The following TRPM2 variants were observed in gnomAD, a reference collection of about 807,000 sequenced individuals.
TRPM2 encodes the protein transient receptor potential cation channel subfamily M member 2, also known as estrogen-responsive element-associated gene 1 protein.
A neutral mutation model predicts 174.0 loss-of-function variants in TRPM2; 161 were observed. That is an observed-to-expected ratio of 0.93 (90% confidence interval 0.81 to 1.05). The LOEUF (loss-of-function observed/expected upper bound fraction) is 1.05, where lower values mean the gene tolerates loss of function less well. TRPM2 is among the 50% of genes least tolerant of loss of function. The pLI is 0.00. For missense variants in TRPM2, 2,057 were observed against 2,038.0 expected, an observed-to-expected ratio of 1.01 and a Z score of -0.18; for synonymous variants, 954 against 861.3, an observed-to-expected ratio of 1.11 and a Z score of -1.88.
chr21:44,425,189 G>T, intron 24 of TRPM2: 1 of 530,416 alleles, frequency 1.9e-6, no homozygotes, highest in East Asian at 3.1e-5. Flanking sequence ...GGCCTGCTGT[G>T]CCCTGAGCTC....
rs201914109 is a variant in TRPM2, at chr21:44,390,889, C to T, written c.1319-15C>T. 5 of 1,613,956 alleles carry T rather than the reference C, an allele frequency of 3.1e-6. No homozygotes were observed. The highest frequency in any genetic ancestry group is 2.2e-5 in the East Asian group (1 of 44,880). ...GCTCCAGATCGAGGCCCAATATGCA[C>T]CTGTTCATCTGCAGCCTCACGGAGC... On this transcript the variant is annotated splice_polypyrimidine_tract_variant and intron_variant, in intron 9 of 31. Coordinates refer to ENST00000397928, the MANE Select transcript of TRPM2 (RefSeq NM_003307.4).
intron 5 of TRPM2, among the ~76,000 whole-genome samples, chr21:44,370,929 G>C (rs376816113): frequency 2.6e-5 from 4 of 152,132 alleles, no homozygotes; most frequent in African/African-American, 4.8e-5. Context: ...GCTCAGCCAC[G>C]CTCCCTCTCT....
At chr21:44,374,676 A>G (rs2048643119) in intron 5 of TRPM2, among the ~76,000 whole-genome samples, 2 of 152,262 alleles carry the variant, frequency 1.3e-5, no homozygotes, top group Middle Eastern at 3.4e-3. Context: ...TAGTATTCCC[A>G]TGAGAATCTA....
At chr21:44,364,332 C>T (rs776063747) in intron 3 of TRPM2, 50 bp downstream of exon 3, 2 of 1,596,478 alleles carry the variant, frequency 1.3e-6, no homozygotes, top group South Asian at 2.3e-5. Flanking sequence ...CTGCATGGCC[C>T]CACAGTGACA....
chr21:44,430,015 A>T (rs1224089296), intron 27 of TRPM2, among the ~76,000 whole-genome samples: 1 of 152,194 alleles, frequency 6.6e-6, no homozygotes, highest in Non-Finnish European at 1.5e-5. Flanking sequence ...TCTGCCATTG[A>T]TTGAGATAGT....
intron 26 of TRPM2, 69 bp from the exon 27 acceptor site, chr21:44,426,941 C>T (rs898406488): frequency 1.3e-5 from 19 of 1,474,600 alleles, no homozygotes; most frequent in Admixed American, 2.0e-5. Context: ...GGGGGGTGAT[C>T]CCTCTGCCTG....
rs187303583 is a variant in TRPM2, at chr21:44,418,641, C to T, written c.3461+86C>T. 3.9e-4 allele frequency: 593 copies of T among 1,533,512 alleles called. 5 individuals are homozygous for T. In the African/African-American group the frequency reaches 7.3e-3, roughly 19 times the overall value. The allele number at this position is 1,533,512 out of a possible 1,614,324, so 95.0% of individuals were successfully genotyped here. A position where few individuals can be genotyped will look rare whatever the true frequency, so the allele number is the denominator to read the frequency against. On this transcript the variant is annotated intron_variant, in intron 22 of 31. Coordinates refer to ENST00000397928, the MANE Select transcript of TRPM2 (RefSeq NM_003307.4). ...CAGGCACCATGAGTACATGTCCCACCTGGGGAGGCCCAGCAATGCCTCACC... is the reference window on the plus strand; with the variant it reads ...CAGGCACCATGAGTACATGTCCCACTTGGGGAGGCCCAGCAATGCCTCACC...
rs200231987 is a variant in TRPM2 at position 44,397,848 on chromosome 21, G to A, written c.2034G>A (p.Leu678=). The A allele has an allele frequency of 4.2e-5, 68 of 1,607,788 alleles. No homozygotes were observed. Among genetic ancestry groups the A allele is most frequent in the East Asian group, 3.4e-4 (15 of 44,708 alleles). The change falls in exon 13 of 32, where the codon CTG becomes CTA. Residue 678 remains leucine, a synonymous_variant. Transcript: ENST00000397928. ...DTDSSEEMLA[L]AEEYEHRAIG... is the part of the protein sequence containing the mutation. ...ACAGCTCGGAGGAGATGCTGGCGCTGGCGGAGGAGTATGAGCACAGAGCCA... is the reference window on the plus strand; with the variant it reads ...ACAGCTCGGAGGAGATGCTGGCGCTAGCGGAGGAGTATGAGCACAGAGCCA...
Position 44,440,878 on chromosome 21 carries a change from T to TGAC in TRPM2, c.4361_4363dup (p.Asp1454dup), listed in dbSNP as rs2051475630. ...TCAGCGTCCACTTCCAGGACCAGAATGACGTGGAGCTGAACAGGCTGAACT... is the reference window on the plus strand; with the variant it reads ...TCAGCGTCCACTTCCAGGACCAGAATGACGACGTGGAGCTGAACAGGCTGAACT... On this transcript the variant is annotated inframe_insertion, in exon 31 of 32. Transcript: ENST00000397928. The TGAC allele has an allele frequency of 1.2e-6, 2 of 1,613,836 alleles. No homozygotes were observed. Among genetic ancestry groups the TGAC allele is most frequent in the Non-Finnish European group, 1.7e-6 (2 of 1,179,928 alleles).
Position 44,379,010 on chromosome 21 carries a change from CCACCACCAACGG to C in TRPM2, c.1033_1044del (p.Thr345_Thr348del). The C allele has an allele frequency of 6.2e-7, 1 of 1,606,704 alleles. No individual in the cohort carries two copies. Among genetic ancestry groups the C allele is most frequent in the Non-Finnish European group, 8.5e-7 (1 of 1,179,806 alleles). On this transcript the variant is annotated inframe_deletion, in exon 8 of 32. Transcript: ENST00000397928. ...CCTGCCTTGCAGACCATCGACAACGCCACCACCAACGGCACCCCCTGTGTGGTTGTGGAGGGC... is the reference window on the plus strand; with the variant it reads ...CCTGCCTTGCAGACCATCGACAACGCCACCCCCTGTGTGGTTGTGGAGGGC...
chr21:44,352,943 T>C (rs1569002967), upstream of TRPM2, among the ~76,000 whole-genome samples: 1 of 152,000 alleles, frequency 6.6e-6, no homozygotes, highest in Non-Finnish European at 1.5e-5. Context: ...TCGCCTGAGG[T>C]CAGGAGTTTG....
chr21:44,439,621 C>T lies in TRPM2; in HGVS notation c.4269+453C>T, dbSNP rs890885769. Among the ~76,000 whole-genome samples the T allele has an allele frequency of 2.0e-5, 3 of 152,296 alleles. No individual in the cohort carries two copies. The highest frequency in any genetic ancestry group is 4.4e-5 in the Non-Finnish European group (3 of 68,016). ...CCACATGCATGCCCAGCCTGGGGAC[C>T]GACTGTACCAGGACTTTTTATTTAC... On this transcript the variant is annotated intron_variant, in intron 30 of 31. Transcript: ENST00000397928. This position sits in a 1 kb window ranked among gnomAD's most constrained non-coding sequence, Gnocchi z 5.1.
chr21:44,407,140 T>TCCC, intron 19 of TRPM2, among the ~76,000 whole-genome samples: 1 of 91,314 alleles, frequency 1.1e-5, no homozygotes, highest in Non-Finnish European at 2.1e-5. Flanking sequence ...CATTCCTCCC[T>TCCC]TCCTCCCTTC....
Position 44,399,292 on chromosome 21 carries a change from C to T in TRPM2, c.2063-4C>T, listed in dbSNP as rs1203715648. On this transcript the variant is annotated splice_region_variant and splice_polypyrimidine_tract_variant and intron_variant, in intron 13 of 31. Transcript: ENST00000397928. The surrounding 1 kb of genome is among the most constrained non-coding windows in gnomAD (Gnocchi z 4.6). ...TCTGACGGGGCTCTCATATCTCCGC[C>T]CAGGGGTCTTCACCGAGTGCTACCG... 6.2e-7 allele frequency: 1 copy of T among 1,611,786 alleles called. No individual in the cohort carries two copies.
chr21:44,414,545 G>A (rs1278831861), intron 20 of TRPM2: 1 of 159,176 alleles, frequency 6.3e-6, no homozygotes, highest in Non-Finnish European at 1.4e-5. Context: ...CTGAGCAAAA[G>A]GGCTCGCTGC....
chr21:44,424,758 C>A (rs2050687833), intron 23 of TRPM2, 94 bp from the exon 24 acceptor site: 2 of 764,656 alleles, frequency 2.6e-6, no homozygotes, highest in African/African-American at 3.6e-5. Flanking sequence ...GGGTGGGGCT[C>A]CTGGCTGGGG....
chr21:44,440,720 G>A, intron 30 of TRPM2, 69 bp from the exon 31 acceptor site: 1 of 1,346,820 alleles, frequency 7.4e-7, no homozygotes, highest in Non-Finnish European at 1.1e-6. Flanking sequence ...AGGGTGGAGG[G>A]CACGAGGTGG....
chr21:44,368,035 T>C (rs971262191), intron 4 of TRPM2, among the ~76,000 whole-genome samples: 4 of 152,238 alleles, frequency 2.6e-5, no homozygotes, highest in Non-Finnish European at 5.9e-5. Flanking sequence ...AATATCCGTG[T>C]CCTTGTTGTC....
intron 8 of TRPM2, among the ~76,000 whole-genome samples, chr21:44,379,973 G>A (rs112681136): frequency 5.3e-4 from 80 of 152,320 alleles, no homozygotes; most frequent in African/African-American, 1.6e-3. Flanking sequence ...GCTGACATGC[G>A]CTTTCCACTG....
Sources: gnomAD v4.1 joint callset for allele counts (sites outside exome capture counted in the v4.1 genomes callset) on GRCh38, gnomAD v4.1.1 for gene constraint, Gnocchi (gnomAD v3.1) non-coding constraint, MANE v1.5 for transcripts, NCBI Gene and HGNC (gene_info 2026-07-23, HGNC 2026-07-21) for gene names.